Variants in GALNT13 observed in about 807,000 individuals in gnomAD.
GALNT13 encodes UDP-GalNAc:polypeptide N-acetylgalactosaminyltransferase 13.
Under a neutral mutation model 64.2 loss-of-function variants are expected in GALNT13, and 28 were observed. That is an observed-to-expected ratio of 0.44 (90% CI 0.32 to 0.60). The LOEUF is 0.60. GALNT13 is among the 20% of genes least tolerant of loss of function. The probability of loss-of-function intolerance (pLI) is 0.05; values close to 1 mark genes in which losing one functional copy is unlikely to be tolerated. For missense variants in GALNT13, 577 were observed against 669.8 expected, an observed-to-expected ratio of 0.86 and a Z score of 1.53; for synonymous variants, 214 against 224.6, an observed-to-expected ratio of 0.95 and a Z score of 0.42.
the GALNT13 span, among the ~76,000 whole-genome samples, chr2:153,453,059 A>T: frequency 1.3e-5 from 2 of 152,218 alleles, no homozygotes; most frequent in African/African-American, 2.4e-5. Context: ...ATAGCTGGCT[A>T]GCCATATGCA....
At chr2:154,398,891 G>A (rs799739) in intron 10 of GALNT13, among the ~76,000 whole-genome samples, 52,257 of 151,960 alleles carry the variant, frequency 0.34, 9,436 homozygotes, top group African/African-American at 0.45. Context: ...GATGAATTAC[G>A]TAGAAATTAG....
At chr2:153,551,592 A>G in the GALNT13 span, among the ~76,000 whole-genome samples, 1 of 152,208 alleles carries the variant, frequency 6.6e-6, no homozygotes, top group Non-Finnish European at 1.5e-5. Context: ...TGGACTAACA[A>G]TTCTTATTGA....
At chr2:153,185,251 GA>G in the GALNT13 span, among the ~76,000 whole-genome samples, 12 of 152,180 alleles carry the variant, frequency 7.9e-5, no homozygotes, top group Middle Eastern at 3.4e-3. Flanking sequence ...ATTTGCATAG[GA>G]GTGTTTATAG....
At chr2:153,577,827 A>G in the GALNT13 span, among the ~76,000 whole-genome samples, 1 of 150,740 alleles carries the variant, frequency 6.6e-6, no homozygotes, top group Non-Finnish European at 1.5e-5. Flanking sequence ...TATGAATAAA[A>G]TATTTTAATT....
In GALNT13 at chr2:154,410,916, G is replaced by A. The variant is rs141616821; in HGVS notation, c.1395+1834G>A. ...TAAAAATTACTTTATTCATCTGCAC[G>A]TTTTCAAATACCCAGAAATAAGCTA... On this transcript the variant is annotated intron_variant, in intron 11 of 12. Transcript: ENST00000392825. 2.9e-3 allele frequency among the ~76,000 whole-genome samples: 443 copies of A among 151,954 alleles called. 2 individuals are homozygous for A. Among genetic ancestry groups the A allele is most frequent in the African/African-American group, 9.7e-3 (402 of 41,506 alleles).
At chr2:153,634,312 G>A in the GALNT13 span, among the ~76,000 whole-genome samples, 1 of 152,032 alleles carries the variant, frequency 6.6e-6, no homozygotes, top group Admixed American at 6.6e-5. Context: ...CACTTTTGTT[G>A]AAAATTGTAT....
At chr2:154,131,523 C>T (rs1682616961) in intron 3 of GALNT13, among the ~76,000 whole-genome samples, 1 of 152,166 alleles carries the variant, frequency 6.6e-6, no homozygotes, top group Non-Finnish European at 1.5e-5. Flanking sequence ...AAGAAACTGT[C>T]TCTTCATGGA....
chr2:154,389,245 C>T (rs1222417706), intron 9 of GALNT13, among the ~76,000 whole-genome samples: 1 of 152,150 alleles, frequency 6.6e-6, no homozygotes, highest in Admixed American at 6.5e-5. Flanking sequence ...AAGTGATACT[C>T]CTGCCTCAGC....
chr2:154,455,669 A>G (rs1702023534), downstream of GALNT13, among the ~76,000 whole-genome samples: 1 of 152,176 alleles, frequency 6.6e-6, no homozygotes, highest in Non-Finnish European at 1.5e-5. Flanking sequence ...CAGCTATTGT[A>G]TGAATTTATG....
At chr2:153,142,039 A>C in the GALNT13 span, among the ~76,000 whole-genome samples, 1 of 152,066 alleles carries the variant, frequency 6.6e-6, no homozygotes, top group Non-Finnish European at 1.5e-5. Flanking sequence ...AGACATCATG[A>C]AGCGTTATTT....
At chr2:154,285,884 T>C (rs974402085) in intron 8 of GALNT13, among the ~76,000 whole-genome samples, 36 of 152,264 alleles carry the variant, frequency 2.4e-4, no homozygotes, top group Middle Eastern at 6.8e-3. Flanking sequence ...TTAGTCAATG[T>C]TTTATAATTT....
rs1344107837 is a variant in GALNT13 at position 154,451,266 on chromosome 2, C to G, written c.*715C>G. On this transcript the variant is annotated 3_prime_UTR_variant, in exon 13 of 13. Coordinates refer to ENST00000392825, the MANE Select transcript of GALNT13 (RefSeq NM_052917.4). ...GCACTTCGATCACTGTGAGAGAACTCAAAGTGGGTTGCAATCATTCCTAAC... is the reference window on the plus strand; with the variant it reads ...GCACTTCGATCACTGTGAGAGAACTGAAAGTGGGTTGCAATCATTCCTAAC... The G allele has an allele frequency of 6.6e-6, 1 of 152,090 alleles. No individual in the cohort carries two copies. Among genetic ancestry groups the G allele is most frequent in the East Asian group, 1.9e-4 (1 of 5,184 alleles). The allele number at this position is 152,090 out of a possible 1,614,324, so 9.4% of individuals were successfully genotyped here. A position where few individuals can be genotyped will look rare whatever the true frequency, so the allele number is the denominator to read the frequency against.
chr2:153,100,023 T>A, the GALNT13 span, among the ~76,000 whole-genome samples: 1 of 152,194 alleles, frequency 6.6e-6, no homozygotes, highest in African/African-American at 2.4e-5. Flanking sequence ...AAAGCTAAAA[T>A]TCTTATATGA....
chr2:154,069,068 CA>C (rs1462299095), intron 3 of GALNT13, among the ~76,000 whole-genome samples: 5 of 151,326 alleles, frequency 3.3e-5, no homozygotes, highest in African/African-American at 1.2e-4. Flanking sequence ...AAGTAAAAAG[CA>C]AAAACAATGA....
chr2:153,506,102 CTTCT>C, the GALNT13 span, among the ~76,000 whole-genome samples: 12 of 152,068 alleles, frequency 7.9e-5, no homozygotes, highest in East Asian at 1.5e-3. Context: ...ATATAATGTC[CTTCT>C]TTGTCTTTTT....
the GALNT13 span, among the ~76,000 whole-genome samples, chr2:153,549,378 T>C: frequency 1.3e-5 from 2 of 152,178 alleles, 1 homozygote; most frequent in South Asian, 4.1e-4. Flanking sequence ...AAAGGATAGG[T>C]CAACGGTAGA....
the GALNT13 span, among the ~76,000 whole-genome samples, chr2:153,770,369 T>G: frequency 2.0e-5 from 3 of 152,208 alleles, no homozygotes; most frequent in Non-Finnish European, 4.4e-5. Context: ...TGGTTATAGA[T>G]AGCCCTTTCA....
chr2:154,121,847 C>G, intron 3 of GALNT13, among the ~76,000 whole-genome samples: 1 of 152,016 alleles, frequency 6.6e-6, no homozygotes, highest in East Asian at 1.9e-4. Context: ...TGATCTTTCT[C>G]TTTCTTGCCT....
intron 9 of GALNT13, among the ~76,000 whole-genome samples, chr2:154,357,597 A>G (rs549185834): frequency 1.3e-5 from 2 of 152,182 alleles, no homozygotes; most frequent in South Asian, 2.1e-4. Context: ...CCTGACTTGT[A>G]TCTTTCCTAT....
Sources: gnomAD v4.1 joint callset for allele counts (sites outside exome capture counted in the v4.1 genomes callset) on GRCh38, gnomAD v4.1.1 for gene constraint, MANE v1.5 for transcripts, NCBI Gene and HGNC (gene_info 2026-07-23, HGNC 2026-07-21) for gene names.